The following KCTD16 variants were observed in gnomAD, a reference collection of about 807,000 sequenced individuals.
KCTD16 encodes potassium channel tetramerization domain containing 16.
A neutral mutation model predicts 33.2 loss-of-function variants in KCTD16; 13 were observed. The ratio of observed to expected loss-of-function variants is 0.39; its 90% CI spans 0.25 to 0.62. KCTD16 has a LOEUF of 0.62. Ranked by LOEUF, KCTD16 falls within the 20% of genes least tolerant of loss-of-function variation. The pLI is 0.50. For missense variants in KCTD16, 441 were observed against 525.1 expected, an observed-to-expected ratio of 0.84 and a Z score of 1.57; for synonymous variants, 197 against 195.3, an observed-to-expected ratio of 1.01 and a Z score of -0.07.
intron 3 of KCTD16, among the ~76,000 whole-genome samples, chr5:144,365,823 CTG>C (rs1209938440): frequency 6.6e-6 from 1 of 152,148 alleles, no homozygotes; most frequent in African/African-American, 2.4e-5. Flanking sequence ...CTTAGCCTAT[CTG>C]TGTGTACCAA....
chr5:144,378,905 A>G (rs768120737), intron 3 of KCTD16, among the ~76,000 whole-genome samples: 4 of 152,190 alleles, frequency 2.6e-5, no homozygotes, highest in East Asian at 1.9e-4. Context: ...TCTTATGCTA[A>G]CATTCGTCAT....
Position 144,482,277 on chromosome 5 carries a change from A to C in KCTD16, c.*8163A>C, listed in dbSNP as rs1428200322. 2 of 151,852 alleles carry C rather than the reference A, an allele frequency of 1.3e-5. No homozygotes were observed. Among genetic ancestry groups the C allele is most frequent in the Non-Finnish European group, 2.9e-5 (2 of 67,896 alleles). The allele number at this position is 151,852 out of a possible 1,614,324, so 9.4% of individuals were successfully genotyped here. A position where few individuals can be genotyped will look rare whatever the true frequency, so the allele number is the denominator to read the frequency against. ...GAGGTAAAGAAAGGGCAGATTTGCT[A>C]CAGCTTGTACTTTATGCCACAAAAA... On this transcript the variant is annotated 3_prime_UTR_variant, in exon 4 of 4. Coordinates refer to ENST00000512467, the MANE Select transcript of KCTD16 (RefSeq NM_020768.4).
intron 3 of KCTD16, among the ~76,000 whole-genome samples, chr5:144,330,145 G>C (rs1485472571): frequency 6.6e-6 from 1 of 152,130 alleles, no homozygotes; most frequent in Non-Finnish European, 1.5e-5. Context: ...AGGAGTGGTG[G>C]CTCACGCCTG....
At chr5:144,383,457 T>A (rs1752258177) in intron 3 of KCTD16, among the ~76,000 whole-genome samples, 1 of 152,002 alleles carries the variant, frequency 6.6e-6, no homozygotes, top group Non-Finnish European at 1.5e-5. Flanking sequence ...GCCACTGAAC[T>A]GCATCATATG....
At chr5:144,262,489 C>T (rs928484555) in intron 3 of KCTD16, among the ~76,000 whole-genome samples, 1 of 152,326 alleles carries the variant, frequency 6.6e-6, no homozygotes, top group African/African-American at 2.4e-5. Flanking sequence ...AATATTCTTG[C>T]TCTGCAAACA....
At chr5:144,248,247 G>C (rs1430696121) in intron 3 of KCTD16, among the ~76,000 whole-genome samples, 1 of 152,164 alleles carries the variant, frequency 6.6e-6, no homozygotes, top group East Asian at 1.9e-4. Context: ...TTGAGAAGAG[G>C]CAATTTCAGT....
At chr5:144,219,770 C>T (rs1022737776) in intron 3 of KCTD16, among the ~76,000 whole-genome samples, 4 of 151,920 alleles carry the variant, frequency 2.6e-5, no homozygotes, top group Non-Finnish European at 5.9e-5. Flanking sequence ...ATGATCCACC[C>T]GCCTCGGCCT....
intron 3 of KCTD16, among the ~76,000 whole-genome samples, chr5:144,257,080 CT>C: frequency 6.6e-6 from 1 of 152,186 alleles, no homozygotes. Flanking sequence ...ACTTTTTCTA[CT>C]TTATATTTGA....
chr5:144,261,302 A>G (rs1385052098), intron 3 of KCTD16, among the ~76,000 whole-genome samples: 1 of 152,170 alleles, frequency 6.6e-6, no homozygotes, highest in East Asian at 1.9e-4. Flanking sequence ...TAATTACCAG[A>G]TTAGTATCTT....
intron 2 of KCTD16, among the ~76,000 whole-genome samples, chr5:144,180,175 C>T (rs146308766): frequency 2.0e-5 from 3 of 152,282 alleles, no homozygotes; most frequent in African/African-American, 7.2e-5. Flanking sequence ...ACTATCCTTG[C>T]TGTCAGTGAT....
chr5:144,386,458 A>G (rs1752326223), intron 3 of KCTD16, among the ~76,000 whole-genome samples: 1 of 152,200 alleles, frequency 6.6e-6, no homozygotes, highest in Non-Finnish European at 1.5e-5. Flanking sequence ...AGTACTGTGG[A>G]TAGTACTGTG....
intron 3 of KCTD16, among the ~76,000 whole-genome samples, chr5:144,301,620 T>C (rs1453897113): frequency 6.6e-6 from 1 of 152,218 alleles, no homozygotes; most frequent in Non-Finnish European, 1.5e-5. Flanking sequence ...ACTTTAAAAA[T>C]TCACTTGCAC....
intron 3 of KCTD16, among the ~76,000 whole-genome samples, chr5:144,286,307 A>C (rs756178065): frequency 6.6e-6 from 1 of 152,106 alleles, no homozygotes; most frequent in Non-Finnish European, 1.5e-5. Context: ...GAACCTATAG[A>C]TTCTCTGACA....
intron 3 of KCTD16, among the ~76,000 whole-genome samples, chr5:144,226,125 C>A (rs1561535783): frequency 1.3e-5 from 2 of 152,130 alleles, no homozygotes; most frequent in Non-Finnish European, 2.9e-5. Context: ...ACTATAGATG[C>A]CTCTGATTGA....
chr5:144,246,216 A>C (rs1406765569), intron 3 of KCTD16, among the ~76,000 whole-genome samples: 1 of 152,198 alleles, frequency 6.6e-6, no homozygotes, highest in African/African-American at 2.4e-5. Flanking sequence ...GAGTAATTTA[A>C]TGTGAACTCT....
intron 3 of KCTD16, among the ~76,000 whole-genome samples, chr5:144,426,643 A>G (rs191842453): frequency 2.0e-5 from 3 of 152,188 alleles, no homozygotes; most frequent in East Asian, 1.9e-4. Flanking sequence ...AAATAAGTTT[A>G]TTTGGCTCAT....
chr5:144,230,773 G>A (rs1028949749), intron 3 of KCTD16, among the ~76,000 whole-genome samples: 1 of 152,180 alleles, frequency 6.6e-6, no homozygotes, highest in African/African-American at 2.4e-5. Context: ...AGAAGAGAAA[G>A]TACTTAATTC....
chr5:144,346,717 T>C (rs956036261), intron 3 of KCTD16, among the ~76,000 whole-genome samples: 2 of 152,216 alleles, frequency 1.3e-5, no homozygotes, highest in African/African-American at 4.8e-5. Flanking sequence ...GACTTTTCCC[T>C]ATAGAGTTAT....
intron 3 of KCTD16, among the ~76,000 whole-genome samples, chr5:144,321,277 G>A (rs373179697): frequency 7.2e-4 from 110 of 152,200 alleles, no homozygotes; most frequent in African/African-American, 2.5e-3. Context: ...TCAAAATGTA[G>A]GTCATGAATC....
Sources: gnomAD v4.1 joint callset for allele counts (sites outside exome capture counted in the v4.1 genomes callset) on GRCh38, gnomAD v4.1.1 for gene constraint, MANE v1.5 for transcripts, NCBI Gene and HGNC (gene_info 2026-07-23, HGNC 2026-07-21) for gene names.